Variants in KIF3C observed in about 807,000 individuals in gnomAD.
KIF3C encodes the protein kinesin-like protein KIF3C.
Under a neutral mutation model 67.7 loss-of-function variants are expected in KIF3C, and 12 were observed. The observed-to-expected ratio is 0.18, with a 90% CI of 0.11 to 0.29. KIF3C has a LOEUF of 0.29. Among genes scored for constraint, KIF3C ranks in the 10% least tolerant of loss-of-function variants. KIF3C has a pLI of 1.00. For missense variants in KIF3C, 789 were observed against 1,059.6 expected (o/e 0.74, Z 3.55); for synonymous variants, 393 against 426.2 (o/e 0.92, Z 0.96).
rs1004067320 is a variant in KIF3C at position 25,980,011 on chromosome 2, G to A, written c.1545+362C>T. Among the ~76,000 whole-genome samples, 27 of 152,184 alleles carry A rather than the reference G, an allele frequency of 1.8e-4. No individual in the cohort carries two copies. Among genetic ancestry groups the A allele is most frequent in the Admixed American group, 1.4e-3 (21 of 15,276 alleles). ...GCAGAGGGAGGAAGCCTCAGGGGAG[G>A]AGGCTGTGAAGGAACAAGAACCCAC... On this transcript the variant is annotated intron_variant, in intron 1 of 7. Coordinates refer to ENST00000264712, the MANE Select transcript of KIF3C (RefSeq NM_002254.8). This position sits in a 1 kb window ranked among gnomAD's most constrained non-coding sequence, Gnocchi z 7.6.
At chr2:25,930,363 TTTG>T (rs1458853177) in intron 5 of KIF3C, among the ~76,000 whole-genome samples, 1 of 152,098 alleles carries the variant, frequency 6.6e-6, no homozygotes, top group Non-Finnish European at 1.5e-5. Flanking sequence ...ATATTGTGTT[TTTG>T]TTGTTGTTTT....
chr2:25,956,539 G>T, intron 1 of KIF3C, 95 bp from the exon 2 acceptor site: 1 of 878,318 alleles, frequency 1.1e-6, no homozygotes, highest in Non-Finnish European at 1.9e-6. Flanking sequence ...TGGTCCTTCT[G>T]GGAGTGGACA....
chr2:25,957,209 G>C (rs761424456), intron 1 of KIF3C, among the ~76,000 whole-genome samples: 1 of 152,086 alleles, frequency 6.6e-6, no homozygotes, highest in Admixed American at 6.6e-5. Context: ...ATTCTCCTCC[G>C]CATTTAATAA....
Position 25,980,956 on chromosome 2 carries a change from T to A in KIF3C, c.962A>T (p.Lys321Met). The change falls in exon 1 of 8, where the codon AAG (lysine) becomes ATG (methionine). Residue 321 changes from lysine (K) to methionine (M), a missense_variant. Coordinates refer to ENST00000264712, the MANE Select transcript of KIF3C (RefSeq NM_002254.8). The surrounding 1 kb of genome is among the most constrained non-coding windows in gnomAD (Gnocchi z 7.6). Reference sequence around the variant, plus strand: ...GGAGTCCTGGAGCAGCCGGGTCAGCTTGGAGTCCCGGTAGGGAATGTGGGT... The same window carrying A: ...GGAGTCCTGGAGCAGCCGGGTCAGCATGGAGTCCCGGTAGGGAATGTGGGT... ...RSTHIPYRDS[K>M]LTRLLQDSLG... 1 of 1,614,164 alleles carries A rather than the reference T, an allele frequency of 6.2e-7. No homozygotes were observed. Among genetic ancestry groups the A allele is most frequent in the Non-Finnish European group, 8.5e-7 (1 of 1,180,014 alleles).
At chr2:25,929,515 C>T (rs1309944142) in intron 6 of KIF3C, 38 bp from the exon 7 acceptor site, 1 of 1,581,978 alleles carries the variant, frequency 6.3e-7, no homozygotes, top group Non-Finnish European at 8.7e-7. Flanking sequence ...GAACAGTGCC[C>T]AGTCACTGTG....
intron 5 of KIF3C, among the ~76,000 whole-genome samples, chr2:25,945,220 C>A (rs1321822852): frequency 1.3e-5 from 2 of 151,970 alleles, no homozygotes; most frequent in Admixed American, 6.6e-5. Context: ...AAAGTGGAAG[C>A]AACTATATGC....
intron 5 of KIF3C, among the ~76,000 whole-genome samples, chr2:25,931,340 C>A (rs1013812211): frequency 1.3e-5 from 2 of 150,714 alleles, no homozygotes; most frequent in Non-Finnish European, 2.9e-5. Context: ...TGCCTGTAAT[C>A]CCATCTACTC....
At position 25,955,938 on chromosome 2, in the gene KIF3C, G is replaced by A. The variant is rs1326014874; in HGVS notation, c.1648-275C>T. 6.6e-6 allele frequency among the ~76,000 whole-genome samples: 1 copy of A among 152,178 alleles called. No homozygotes were observed. Among genetic ancestry groups the A allele is most frequent in the East Asian group, 1.9e-4 (1 of 5,184 alleles). ...CAGAGGCGTTAGTCACACAGATGGA[G>A]GCACATCACACTGCCTTCCAAGCTG... On this transcript the variant is annotated intron_variant, in intron 2 of 7. Coordinates refer to ENST00000264712, the MANE Select transcript of KIF3C (RefSeq NM_002254.8). This position sits in a 1 kb window ranked among gnomAD's most constrained non-coding sequence, Gnocchi z 5.0.
intron 1 of KIF3C, among the ~76,000 whole-genome samples, chr2:25,966,031 G>C (rs1005751223): frequency 5.3e-5 from 8 of 151,998 alleles, no homozygotes; most frequent in African/African-American, 1.9e-4. Context: ...CAACCCCCAT[G>C]CTTTATAGAT....
Position 25,929,319 on chromosome 2 carries a change from T to C in KIF3C, c.2274A>G (p.Arg758=), listed in dbSNP as rs780076811. The C allele has an allele frequency of 3.1e-6, 5 of 1,614,092 alleles. No homozygotes were observed. Among genetic ancestry groups the C allele is most frequent in the South Asian group, 2.2e-5 (2 of 91,072 alleles). Residue 758 remains arginine (R), a synonymous_variant, in exon 7 of 8, where the codon CGA becomes CGG. Transcript: ENST00000264712. The part of the protein sequence containing the change: ...FLERPSTSKV[R]KSRSWCQSPQ... ...GAGGTACTGACCAGGATCTGGACTT[T>C]CGGACTTTAGACGTGGAAGGTCTTT...
intron 5 of KIF3C, among the ~76,000 whole-genome samples, chr2:25,946,393 A>G (rs1210597812): frequency 2.0e-5 from 3 of 151,828 alleles, no homozygotes; most frequent in Non-Finnish European, 4.4e-5. Flanking sequence ...CATCTCTACT[A>G]AAAATATAAA....
intron 5 of KIF3C, among the ~76,000 whole-genome samples, chr2:25,951,099 A>G (rs1206054732): frequency 6.6e-6 from 1 of 152,002 alleles, no homozygotes; most frequent in Non-Finnish European, 1.5e-5. Flanking sequence ...CAGCCTCCTA[A>G]GCACCTCTCT....
At chr2:25,953,960 C>T (rs1663729076) in intron 4 of KIF3C, among the ~76,000 whole-genome samples, 1 of 152,204 alleles carries the variant, frequency 6.6e-6, no homozygotes, top group Admixed American at 6.6e-5. Context: ...AGCCACTGCG[C>T]CCGGCCCTAA....
In KIF3C at chr2:25,980,962, T is replaced by G. The variant is rs1574501321; in HGVS notation, c.956A>C (p.Asp319Ala). ...CTGGAGCAGCCGGGTCAGCTTGGAG[T>G]CCCGGTAGGGAATGTGGGTGCTCCT... ...GNRSTHIPYRDSKLTRLLQDS... is the reference protein window; with the variant it reads ...GNRSTHIPYRASKLTRLLQDS... Residue 319 changes from aspartate to alanine, a missense_variant, in exon 1 of 8, where the codon GAC (aspartate) becomes GCC (alanine). Physicochemically the swap from Asp to Ala is moderately radical, Grantham distance 126. This residue lies in a region of KIF3C where 648 missense variants were observed against 807.8 expected (regional missense o/e 0.80). Transcript: ENST00000264712. This position sits in a 1 kb window ranked among gnomAD's most constrained non-coding sequence, Gnocchi z 7.6. 1.9e-6 allele frequency: 3 copies of G among 1,613,858 alleles called. No individual in the cohort carries two copies. Among genetic ancestry groups the G allele is most frequent in the Non-Finnish European group, 2.5e-6 (3 of 1,179,942 alleles).
Position 25,951,868 on chromosome 2 carries a change from TCTC to T in KIF3C, c.1924_1926del (p.Glu642del). 6 of 1,613,960 alleles carry T rather than the reference TCTC, an allele frequency of 3.7e-6. No individual in the cohort carries two copies. The highest frequency in any genetic ancestry group is 5.1e-6 in the Non-Finnish European group (6 of 1,179,916). On this transcript the variant is annotated inframe_deletion, in exon 5 of 8. Coordinates refer to ENST00000264712, the MANE Select transcript of KIF3C (RefSeq NM_002254.8). ...AAAAGCCGGTTCATGATCTTGTTCT[TCTC>T]CTCCGGCGGGATGAAGTTCTCGATG...
At position 25,982,058 on chromosome 2, in the gene KIF3C, G is replaced by T. The variant is rs1664611971; in HGVS notation, c.-141C>A. On this transcript the variant is annotated 5_prime_UTR_variant, in exon 1 of 8. Transcript: ENST00000264712. ...ATCCGCATGCAGCCTCCTAGGGTGG[G>T]GACGCTGGGAGGTGGCCCCAACGCT... 1.6e-6 allele frequency: 1 copy of T among 644,568 alleles called. No homozygotes were observed. The highest frequency in any genetic ancestry group is 2.6e-6 in the Non-Finnish European group (1 of 389,946). 39.9% of individuals were successfully genotyped at this position (644,568 alleles called of 1,614,324 possible).
intron 5 of KIF3C, among the ~76,000 whole-genome samples, chr2:25,939,259 C>T (rs1195343284): frequency 1.3e-5 from 2 of 152,118 alleles, no homozygotes; most frequent in African/African-American, 2.4e-5. Context: ...TGAGCCACCG[C>T]GGCTGGCCTC....
chr2:25,973,138 G>A (rs934232744), intron 1 of KIF3C, among the ~76,000 whole-genome samples: 1 of 152,168 alleles, frequency 6.6e-6, no homozygotes, highest in Non-Finnish European at 1.5e-5. Flanking sequence ...AAGATCATCT[G>A]GTTCAACGGC....
intron 5 of KIF3C, among the ~76,000 whole-genome samples, chr2:25,947,538 G>A (rs1035565974): frequency 6.6e-6 from 1 of 151,376 alleles, no homozygotes; most frequent in Non-Finnish European, 1.5e-5. Flanking sequence ...CTGAGATAGC[G>A]CCACTGCACT....
Sources: gnomAD v4.1 joint callset for allele counts (sites outside exome capture counted in the v4.1 genomes callset) on GRCh38, gnomAD v4.1.1 for gene constraint, gnomAD v4.1.1 regional missense constraint, Gnocchi (gnomAD v3.1) non-coding constraint, MANE v1.5 for transcripts, NCBI Gene and HGNC (gene_info 2026-07-23, HGNC 2026-07-21) for gene names.